The following THSD7B variants were observed in gnomAD, a reference collection of about 807,000 sequenced individuals.
THSD7B encodes thrombospondin type 1 domain containing 7B.
THSD7B carries 138 observed loss-of-function variants against 213.6 expected under a neutral mutation model. The observed-to-expected ratio is 0.65, with a 90% CI of 0.56 to 0.74. The LOEUF (loss-of-function observed/expected upper bound fraction) is 0.74. Among genes scored for constraint, THSD7B ranks in the 30% least tolerant of loss-of-function variants. THSD7B has a pLI of 0.00. For missense variants in THSD7B, 1,931 were observed against 1,991.5 expected, an observed-to-expected ratio of 0.97 and a Z score of 0.58; for synonymous variants, 742 against 687.0, an observed-to-expected ratio of 1.08 and a Z score of -1.25.
At chr2:137,642,703 T>G (rs997037604) in intron 21 of THSD7B, 70 bp downstream of exon 21, 34 of 1,528,284 alleles carry the variant, frequency 2.2e-5, no homozygotes, top group Non-Finnish European at 2.8e-5. Context: ...GTCAAACCTA[T>G]GCGCTGATGG....
chr2:136,861,466 T>C (rs1025615745), intron 1 of THSD7B, among the ~76,000 whole-genome samples: 1 of 152,242 alleles, frequency 6.6e-6, no homozygotes, highest in African/African-American at 2.4e-5. Context: ...TATTATATTC[T>C]CATTCTACAT....
chr2:137,275,918 C>T lies in THSD7B; in HGVS notation c.2397-5C>T. 1 of 1,606,644 alleles carries T rather than the reference C, an allele frequency of 6.2e-7. No homozygotes were observed. The highest frequency in any genetic ancestry group is 1.1e-5 in the South Asian group (1 of 89,830). ...TTTCTAGTCCATCGTTTTTGGTAAT[C>T]ACAGGTGGAAGCCACAGAAATGGAG... On this transcript the variant is annotated splice_region_variant and splice_polypyrimidine_tract_variant and intron_variant, in intron 11 of 27. Transcript: ENST00000409968.
intron 5 of THSD7B, among the ~76,000 whole-genome samples, chr2:137,145,845 G>T (rs946590780): frequency 5.3e-5 from 8 of 152,120 alleles, no homozygotes; most frequent in Admixed American, 1.3e-4. Context: ...TTGCATTTAA[G>T]AACCTCCAGA....
intron 1 of THSD7B, among the ~76,000 whole-genome samples, chr2:136,843,093 T>A (rs577020058): frequency 2.0e-5 from 3 of 151,584 alleles, no homozygotes; most frequent in East Asian, 1.9e-4. Context: ...GTTTCATTTT[T>A]TTTTTTTTTT....
intron 11 of THSD7B, among the ~76,000 whole-genome samples, chr2:137,273,063 CACACACAG>C (rs1248623535): frequency 4.2e-5 from 6 of 142,896 alleles, no homozygotes; most frequent in African/African-American, 1.6e-4. Flanking sequence ...CACACACACA[CACACACAG>C]GTGGTAACTT....
At chr2:136,825,564 T>C (rs942110708) in intron 1 of THSD7B, among the ~76,000 whole-genome samples, 1 of 152,040 alleles carries the variant, frequency 6.6e-6, no homozygotes, top group Admixed American at 6.6e-5. Context: ...TTCCTCTCTT[T>C]CTTTTTTTTA....
chr2:137,158,307 C>G (rs1297854689), intron 5 of THSD7B, among the ~76,000 whole-genome samples: 1 of 152,182 alleles, frequency 6.6e-6, no homozygotes, highest in Admixed American at 6.5e-5. Flanking sequence ...TCCGGTCACT[C>G]CAGCTTCTCA....
chr2:137,236,149 T>C (rs1401015819), intron 9 of THSD7B, among the ~76,000 whole-genome samples: 1 of 152,174 alleles, frequency 6.6e-6, no homozygotes, highest in Non-Finnish European at 1.5e-5. Context: ...CCCTGTCATA[T>C]ATGAAATCTT....
At chr2:137,059,185 G>A (rs1687224568) in intron 3 of THSD7B, among the ~76,000 whole-genome samples, 1 of 152,040 alleles carries the variant, frequency 6.6e-6, no homozygotes, top group African/African-American at 2.4e-5. Flanking sequence ...GAAAAAAAGA[G>A]AGCACTCTAT....
chr2:137,535,800 G>A (rs1198633970), intron 15 of THSD7B, among the ~76,000 whole-genome samples: 1 of 151,522 alleles, frequency 6.6e-6, no homozygotes, highest in Non-Finnish European at 1.5e-5. Flanking sequence ...TCTCTGAGAT[G>A]ACGACATCAG....
intron 17 of THSD7B, among the ~76,000 whole-genome samples, chr2:137,581,786 T>A (rs199518956): frequency 0.23 from 30,994 of 136,134 alleles, 3,433 homozygotes; most frequent in Middle Eastern, 0.38. Flanking sequence ...AAAAAAAAAA[T>A]AATAATAAAT....
chr2:136,994,947 T>C (rs759461975), intron 2 of THSD7B, among the ~76,000 whole-genome samples: 1 of 152,348 alleles, frequency 6.6e-6, no homozygotes, highest in Admixed American at 6.5e-5. Flanking sequence ...TGCTAGATGC[T>C]GGGATCTTCA....
intron 2 of THSD7B, among the ~76,000 whole-genome samples, chr2:136,918,006 T>C (rs946780257): frequency 4.6e-5 from 7 of 152,336 alleles, no homozygotes; most frequent in Non-Finnish European, 1.0e-4. Context: ...AATCTGTAAA[T>C]TGCATTAATT....
In THSD7B at chr2:137,623,008, TG is replaced by T. The variant is rs1214058607; in HGVS notation, c.3799+2284del. Among the ~76,000 whole-genome samples the T allele has an allele frequency of 9.2e-5, 14 of 152,270 alleles. No individual in the cohort carries two copies. In the South Asian group the frequency reaches 2.7e-3, roughly 29 times the overall value. On this transcript the variant is annotated intron_variant, in intron 20 of 27. Transcript: ENST00000409968. ...CCAGCATCATCCTGATACCAAAGCC[TG>T]GCAGAGACACAACAAAAAAAGAGAA...
At chr2:137,396,711 G>C (rs2104988494) in intron 12 of THSD7B, among the ~76,000 whole-genome samples, 1 of 142,446 alleles carries the variant, frequency 7.0e-6, no homozygotes, top group East Asian at 2.0e-4. Flanking sequence ...TCAATTCCTG[G>C]GTATCCTTGT....
chr2:136,934,675 T>C (rs1684690648), intron 2 of THSD7B, among the ~76,000 whole-genome samples: 1 of 152,144 alleles, frequency 6.6e-6, no homozygotes, highest in Non-Finnish European at 1.5e-5. Flanking sequence ...AAAAATCATA[T>C]ATGCACTAGG....
At chr2:137,033,029 T>G (rs1403244471) in intron 2 of THSD7B, among the ~76,000 whole-genome samples, 2 of 152,240 alleles carry the variant, frequency 1.3e-5, no homozygotes, top group East Asian at 3.8e-4. Context: ...GGGCAGAATT[T>G]AATTTTTCCA....
At chr2:137,448,836 C>CAAAAAAAAA (rs1553450627) in intron 14 of THSD7B, among the ~76,000 whole-genome samples, 1 of 147,478 alleles carries the variant, frequency 6.8e-6, no homozygotes, top group South Asian at 2.1e-4. Context: ...ACAACAACAA[C>CAAAAAAAAA]AAAAACTACC....
At chr2:137,371,725 G>T (rs1245815251) in intron 12 of THSD7B, among the ~76,000 whole-genome samples, 1 of 151,858 alleles carries the variant, frequency 6.6e-6, no homozygotes, top group Non-Finnish European at 1.5e-5. Context: ...ATGTCTGAAA[G>T]ATTTCTTTGA....
Sources: allele counts gnomAD v4.1 joint callset (sites outside exome capture counted in the v4.1 genomes callset), GRCh38; gene constraint gnomAD v4.1.1; transcripts MANE v1.5; gene names NCBI Gene and HGNC (gene_info 2026-07-23, HGNC 2026-07-21).